The following KCNT2 variants were observed in gnomAD, a reference collection of about 807,000 sequenced individuals.
The protein encoded by KCNT2 is potassium sodium-activated channel subfamily T member 2, also known as potassium channel subfamily T member 2.
KCNT2 carries 67 observed loss-of-function variants against 153.8 expected under a neutral mutation model. The observed-to-expected ratio is 0.44, with a 90% CI of 0.36 to 0.53. The LOEUF (loss-of-function observed/expected upper bound fraction) is 0.53, where lower values mean the gene tolerates loss of function less well. Among genes scored for constraint, KCNT2 ranks in the 20% least tolerant of loss-of-function variants. The probability of loss-of-function intolerance (pLI) is 0.00; values close to 1 mark genes in which losing one functional copy is unlikely to be tolerated. For synonymous variants in KCNT2, 500 were observed against 458.8 expected (o/e 1.09, Z -1.15); for missense variants, 975 against 1,354.8 (o/e 0.72, Z 4.40).
Position 196,282,331 on chromosome 1 carries a change from G to A in KCNT2, c.2723C>T (p.Ser908Phe). ...YQSFVKDYMI[S>F]ITRLLLGLDT... ...CAGTCCCAACAGAAGTCTCGTGATA[G>A]AAATCATATAATCCTTCACAAATGA... Residue 908 changes from serine (S) to phenylalanine (F), a missense_variant, in exon 24 of 28, where the codon TCT becomes TTT. Ser to Phe is a radical substitution (Grantham distance 155). Transcript: ENST00000294725. The A allele has an allele frequency of 6.3e-7, 1 of 1,595,144 alleles. No homozygotes were observed. The highest frequency in any genetic ancestry group is 2.2e-5 in the East Asian group (1 of 44,654).
chr1:196,596,827 G>A lies in KCNT2; in HGVS notation c.95+11388C>T, dbSNP rs182460064. Among the ~76,000 whole-genome samples the A allele has an allele frequency of 3.5e-3, 533 of 152,050 alleles. 3 individuals carry two copies. The highest frequency in any genetic ancestry group is 0.012 in the African/African-American group (487 of 41,456). On this transcript the variant is annotated intron_variant, in intron 1 of 27. Transcript: ENST00000294725. Reference sequence around the variant, plus strand: ...AGCGATCCTCCTACCTCAGCCTCCCGAGTAGCTAGGATTACAGCACACACC... The same window carrying A: ...AGCGATCCTCCTACCTCAGCCTCCCAAGTAGCTAGGATTACAGCACACACC...
intron 8 of KCNT2, among the ~76,000 whole-genome samples, chr1:196,461,695 A>G (rs182278956): frequency 1.3e-5 from 2 of 151,782 alleles, no homozygotes; most frequent in Admixed American, 1.3e-4. Flanking sequence ...GCTGTCTTGG[A>G]AGTGTGTATT....
At chr1:196,584,406 T>C (rs1662427164) in intron 1 of KCNT2, among the ~76,000 whole-genome samples, 1 of 152,080 alleles carries the variant, frequency 6.6e-6, no homozygotes, top group Admixed American at 6.6e-5. Flanking sequence ...GCAGCTTTTA[T>C]TAAAAAGATT....
chr1:196,578,462 T>A (rs564742603), intron 1 of KCNT2, among the ~76,000 whole-genome samples: 8 of 152,064 alleles, frequency 5.3e-5, no homozygotes, highest in Non-Finnish European at 7.4e-5. Context: ...CAAATATCAC[T>A]CCCTGACCTC....
intron 5 of KCNT2, among the ~76,000 whole-genome samples, chr1:196,478,953 T>C (rs562001936): frequency 1.3e-5 from 2 of 152,288 alleles, no homozygotes; most frequent in African/African-American, 4.8e-5. Context: ...TATGCATGCA[T>C]ATAATGGGTA....
intron 1 of KCNT2, among the ~76,000 whole-genome samples, chr1:196,518,903 G>A (rs1170650212): frequency 2.0e-5 from 3 of 152,092 alleles, no homozygotes; most frequent in Non-Finnish European, 4.4e-5. Flanking sequence ...AATTAACAAG[G>A]ACATTCAGGA....
In KCNT2 at chr1:196,333,861, C is replaced by T; in HGVS notation, c.1983G>A (p.Met661Ile). The change falls in exon 17 of 28, where the codon ATG becomes ATA. Residue 661 changes from methionine (M) to isoleucine (I), a missense_variant. Around this residue, in one of 6 missense-constraint regions of KCNT2, gnomAD observed 325 missense variants for 388.1 expected, o/e 0.84. Coordinates refer to ENST00000294725, the MANE Select transcript of KCNT2 (RefSeq NM_198503.5). Reference sequence around the variant, plus strand: ...TCTGAACATACTCTAAGTTTGAAGACATTTCTTCATCTGGTGTAGTTTCAT... The same window carrying T: ...TCTGAACATACTCTAAGTTTGAAGATATTTCTTCATCTGGTGTAGTTTCAT... ...SEDETTPDEEMSSNLEYAKGY... is the reference protein window; with the variant it reads ...SEDETTPDEEISSNLEYAKGY... 1.2e-6 allele frequency: 2 copies of T among 1,602,266 alleles called. No individual in the cohort carries two copies. Among genetic ancestry groups the T allele is most frequent in the African/African-American group, 2.7e-5 (2 of 74,788 alleles).
intron 26 of KCNT2, among the ~76,000 whole-genome samples, chr1:196,252,541 G>A (rs1364710533): frequency 6.6e-6 from 1 of 151,462 alleles, no homozygotes; most frequent in Non-Finnish European, 1.5e-5. Context: ...TTCCTTTCCT[G>A]TTATTTCAGT....
At chr1:196,309,716 G>C (rs551897506) in intron 21 of KCNT2, among the ~76,000 whole-genome samples, 10 of 151,762 alleles carry the variant, frequency 6.6e-5, no homozygotes, top group African/African-American at 2.4e-4. Context: ...TTGTCTAATA[G>C]ATTTATTTAG....
intron 1 of KCNT2, among the ~76,000 whole-genome samples, chr1:196,602,935 C>T (rs1373523622): frequency 6.6e-6 from 1 of 150,520 alleles, no homozygotes; most frequent in Non-Finnish European, 1.5e-5. Context: ...TACAGGCGCC[C>T]GCCACCGCGC....
chr1:196,433,218 T>C (rs1457371230), intron 8 of KCNT2, among the ~76,000 whole-genome samples: 1 of 152,118 alleles, frequency 6.6e-6, no homozygotes, highest in African/African-American at 2.4e-5. Flanking sequence ...AAGGAATTTC[T>C]ATTGTTTATA....
chr1:196,476,688 G>A (rs1290467928), intron 5 of KCNT2, among the ~76,000 whole-genome samples: 3 of 152,010 alleles, frequency 2.0e-5, no homozygotes, highest in Admixed American at 6.6e-5. Flanking sequence ...TTAAACCTCA[G>A]GTTTCTATTC....
At chr1:196,421,654 A>T (rs1223067613) in intron 12 of KCNT2, among the ~76,000 whole-genome samples, 1 of 152,072 alleles carries the variant, frequency 6.6e-6, no homozygotes, top group African/African-American at 2.4e-5. Context: ...TTCAAAAAAT[A>T]TTTTAAAAGT....
intron 22 of KCNT2, among the ~76,000 whole-genome samples, chr1:196,301,160 C>A (rs766692877): frequency 9.2e-5 from 14 of 152,142 alleles, no homozygotes; most frequent in Non-Finnish European, 1.0e-4. Flanking sequence ...GCTCTGTGGG[C>A]CCAACCGATT....
chr1:196,286,970 G>A lies in KCNT2; in HGVS notation c.2596-1212C>T, dbSNP rs146585379. Reference sequence around the variant, plus strand: ...AATAAGAAATCAACCTTCACTTCTTGAGGCAACAGAAGCAAGCTCCTGTTT... The same window carrying A: ...AATAAGAAATCAACCTTCACTTCTTAAGGCAACAGAAGCAAGCTCCTGTTT... On this transcript the variant is annotated intron_variant, in intron 22 of 27. Transcript: ENST00000294725. Among the ~76,000 whole-genome samples, 182 of 152,136 alleles carry A rather than the reference G, an allele frequency of 1.2e-3. 1 individual carries two copies. Among genetic ancestry groups the A allele is most frequent in the African/African-American group, 4.2e-3 (176 of 41,524 alleles).
intron 1 of KCNT2, among the ~76,000 whole-genome samples, chr1:196,525,716 C>T (rs1450057795): frequency 1.3e-5 from 2 of 152,176 alleles, no homozygotes; most frequent in African/African-American, 4.8e-5. Context: ...TGTTACGAGG[C>T]TGAAAGCCAA....
At chr1:196,245,571 G>A (rs568422646) in intron 26 of KCNT2, among the ~76,000 whole-genome samples, 3 of 152,164 alleles carry the variant, frequency 2.0e-5, no homozygotes, top group South Asian at 4.1e-4. Flanking sequence ...TTGTTTAGAT[G>A]GATTATTCAA....
At chr1:196,417,965 T>C (rs1179193807) in intron 12 of KCNT2, among the ~76,000 whole-genome samples, 1 of 152,162 alleles carries the variant, frequency 6.6e-6, no homozygotes, top group Non-Finnish European at 1.5e-5. Flanking sequence ...AAATGTTATG[T>C]GGTGCATGAC....
intron 27 of KCNT2, among the ~76,000 whole-genome samples, chr1:196,233,056 G>T (rs1171415957): frequency 1.3e-5 from 2 of 151,158 alleles, no homozygotes; most frequent in African/African-American, 2.4e-5. Flanking sequence ...TATAAATGTG[G>T]ATGCCATGAA....
Sources: gnomAD v4.1 joint callset for allele counts (sites outside exome capture counted in the v4.1 genomes callset) on GRCh38, gnomAD v4.1.1 for gene constraint, gnomAD v4.1.1 regional missense constraint, MANE v1.5 for transcripts, NCBI Gene and HGNC (gene_info 2026-07-23, HGNC 2026-07-21) for gene names.